Variants in EEF1AKMT2 observed in about 807,000 individuals in gnomAD.
The protein encoded by EEF1AKMT2 is eukaryotic translation elongation factor 1 alpha lysine methyltransferase 2.
In EEF1AKMT2, 32 loss-of-function variants were observed where a neutral mutation model predicts 35.8. That is an observed-to-expected ratio of 0.89 (90% confidence interval 0.67 to 1.20). EEF1AKMT2 has a LOEUF of 1.20. Among genes scored for constraint, EEF1AKMT2 ranks in the 50% most tolerant of loss-of-function variants. The pLI, the probability that EEF1AKMT2 is intolerant of heterozygous loss-of-function variation, is 0.00. For synonymous variants in EEF1AKMT2, 121 were observed against 133.7 expected, an observed-to-expected ratio of 0.91 and a Z score of 0.65; for missense variants, 330 against 347.5, an observed-to-expected ratio of 0.95 and a Z score of 0.40.
rs761775385 is a variant in EEF1AKMT2 at position 124,759,753 on chromosome 10, G to A, written c.*750C>T. 6 of 152,294 alleles carry A rather than the reference G, an allele frequency of 3.9e-5. No individual in the cohort carries two copies. The highest frequency in any genetic ancestry group is 2.1e-4 in the South Asian group (1 of 4,820). The allele number at this position is 152,294 out of a possible 1,614,324, so 9.4% of individuals were successfully genotyped here. ...ACTTAATAAGACAACTTAACATAGC[G>A]CTAGCAAATAATAACATTCCTTAGT... On this transcript the variant is annotated 3_prime_UTR_variant, in exon 7 of 7. Coordinates refer to ENST00000368836, the MANE Select transcript of EEF1AKMT2 (RefSeq NM_212554.4).
Position 124,789,059 on chromosome 10 carries a change from A to T in EEF1AKMT2, c.275T>A (p.Val92Asp). ...AGTACCAACAAGTTCAACCAGGAAA[A>T]CACCATTTCCAGTTCCAATATCAAG... ...SVLDIGTGNG[V>D]FLVELAKFGF... is the part of the protein sequence containing the mutation. The change falls in exon 3 of 7, where the codon GTT becomes GAT. Residue 92 changes from valine to aspartate, a missense_variant. Physicochemically the swap from Val to Asp is radical, Grantham distance 152. Coordinates refer to ENST00000368836, the MANE Select transcript of EEF1AKMT2 (RefSeq NM_212554.4). The T allele has an allele frequency of 6.2e-7, 1 of 1,611,672 alleles. No individual in the cohort carries two copies. The highest frequency in any genetic ancestry group is 8.5e-7 in the Non-Finnish European group (1 of 1,179,028).
chr10:124,777,837 A>C (rs752124264), intron 3 of EEF1AKMT2, among the ~76,000 whole-genome samples: 59 of 152,084 alleles, frequency 3.9e-4, no homozygotes, highest in Non-Finnish European at 6.6e-4. Context: ...CCAGCCCTAA[A>C]GATATCTGTA....
chr10:124,779,556 C>T (rs1324056915), intron 3 of EEF1AKMT2, among the ~76,000 whole-genome samples: 3 of 150,630 alleles, frequency 2.0e-5, no homozygotes, highest in Non-Finnish European at 4.4e-5. Flanking sequence ...ACCATCCTGG[C>T]TAACACAGTG....
chr10:124,776,458 G>A (rs1950487958), intron 3 of EEF1AKMT2, among the ~76,000 whole-genome samples: 1 of 152,136 alleles, frequency 6.6e-6, no homozygotes, highest in South Asian at 2.1e-4. Flanking sequence ...AATGACAAGT[G>A]GGAGAATTCT....
At position 124,774,749 on chromosome 10, in the gene EEF1AKMT2, C is replaced by A; in HGVS notation, c.325G>T (p.Asp109Tyr). 6.7e-7 allele frequency: 1 copy of A among 1,481,600 alleles called. No homozygotes were observed. Among genetic ancestry groups the A allele is most frequent in the South Asian group, 1.5e-5 (1 of 65,686 alleles). 91.8% of individuals were successfully genotyped at this position (1,481,600 alleles called of 1,614,324 possible). Residue 109 changes from aspartate (D) to tyrosine (Y), a missense_variant, in exon 4 of 7, where the codon GAT becomes TAT. Transcript: ENST00000368836. ...AGCTGAATTGCAGAAGGAGAGTAAT[C>A]AATTCCAGTAATATTAGAGAAACCA... ...KFGFSNITGI[D>Y]YSPSAIQLSG... is the part of the protein sequence containing the mutation.
chr10:124,765,315 A>G (rs1364720912), intron 5 of EEF1AKMT2, 77 bp downstream of exon 5: 2 of 1,236,434 alleles, frequency 1.6e-6, no homozygotes, highest in Non-Finnish European at 1.2e-6. Flanking sequence ...ACACTATAAC[A>G]CAAAACGGGG....
chr10:124,757,168 A>T (rs11245349), downstream of EEF1AKMT2, among the ~76,000 whole-genome samples: 1 of 22,990 alleles, frequency 4.3e-5, no homozygotes, highest in Non-Finnish European at 1.1e-4. Context: ...ACTCCCTCCC[A>T]CACACACACA....
intron 3 of EEF1AKMT2, among the ~76,000 whole-genome samples, chr10:124,780,018 A>G (rs1302473273): frequency 6.6e-6 from 1 of 151,922 alleles, no homozygotes; most frequent in Non-Finnish European, 1.5e-5. Context: ...AGCCAAGATC[A>G]CACGCCACTG....
At position 124,781,742 on chromosome 10, in the gene EEF1AKMT2, TAGAC is replaced by T. The variant is rs542466626; in HGVS notation, c.292-6964_292-6961del. ...AAAATAATTTCCAAGAAGAATTTCT[TAGAC>T]AGAAAGAAAAAAAAAAAGCTCAGGA... On this transcript the variant is annotated intron_variant, in intron 3 of 6. Coordinates refer to ENST00000368836, the MANE Select transcript of EEF1AKMT2 (RefSeq NM_212554.4). Among the ~76,000 whole-genome samples, 327 of 150,504 alleles carry T rather than the reference TAGAC, an allele frequency of 2.2e-3. 1 individual carries two copies. Among genetic ancestry groups the T allele is most frequent in the African/African-American group, 7.6e-3 (313 of 41,016 alleles).
intron 3 of EEF1AKMT2, among the ~76,000 whole-genome samples, chr10:124,785,633 C>T (rs1430491923): frequency 6.6e-6 from 1 of 152,136 alleles, no homozygotes; most frequent in East Asian, 1.9e-4. Flanking sequence ...GTGGCTCACG[C>T]TTGTAATCCA....
intron 4 of EEF1AKMT2, among the ~76,000 whole-genome samples, chr10:124,769,248 A>ATATATATATATATATATATGTGTG (rs60863408): frequency 7.8e-5 from 5 of 63,816 alleles, no homozygotes; most frequent in African/African-American, 2.7e-4. Context: ...ATATATATAT[A>ATATATATATATATATATATGTGTG]TGTGTGTATA....
intron 4 of EEF1AKMT2, among the ~76,000 whole-genome samples, chr10:124,774,374 CAAAAAAAAA>C (rs57130146): frequency 6.0e-4 from 13 of 21,710 alleles, no homozygotes; most frequent in South Asian, 3.6e-3. Context: ...GACTCAGTCT[CAAAAAAAAA>C]AAAAAAAAAA....
intron 3 of EEF1AKMT2, chr10:124,783,063 C>A: frequency 6.6e-6 from 2 of 301,176 alleles, no homozygotes; most frequent in Non-Finnish European, 1.3e-5. Flanking sequence ...AGGGGCTGAA[C>A]ATCATGTCCA....
At position 124,763,639 on chromosome 10, in the gene EEF1AKMT2, TTAA is replaced by T. The variant is rs534216840; in HGVS notation, c.617-1084_617-1082del. 6.8e-4 allele frequency among the ~76,000 whole-genome samples: 104 copies of T among 152,342 alleles called. 3 individuals are homozygous for T. In the South Asian group the frequency reaches 0.021, roughly 30 times the overall value. ...TGTTCTAAAATTGAACATAGTTTAC[TTAA>T]TAGTTTTCAGACAAAGACACATTTT... On this transcript the variant is annotated intron_variant, in intron 5 of 6. Transcript: ENST00000368836.
At chr10:124,790,928 C>T (rs1180445687) in intron 1 of EEF1AKMT2, among the ~76,000 whole-genome samples, 3 of 152,152 alleles carry the variant, frequency 2.0e-5, no homozygotes, top group Non-Finnish European at 2.9e-5. Flanking sequence ...CCACACCCCG[C>T]TAATTTTTGT....
intron 6 of EEF1AKMT2, among the ~76,000 whole-genome samples, chr10:124,760,769 A>G (rs1950324078): frequency 6.6e-6 from 1 of 152,052 alleles, no homozygotes; most frequent in South Asian, 2.1e-4. Context: ...TCCACCTCCC[A>G]TTTCCTCCAC....
intron 3 of EEF1AKMT2, among the ~76,000 whole-genome samples, chr10:124,779,125 A>G (rs950080451): frequency 6.6e-6 from 1 of 151,918 alleles, no homozygotes; most frequent in South Asian, 2.1e-4. Context: ...ATCCAGGGTC[A>G]GCAATCTTTT....
Position 124,786,141 on chromosome 10 carries a change from G to C in EEF1AKMT2, c.291+2902C>G, listed in dbSNP as rs1320931389. On this transcript the variant is annotated intron_variant, in intron 3 of 6. Transcript: ENST00000368836. ...CTAGAAATGTCTTATTTTTTGGTCA[G>C]GTTGGTGAATAACACAAGGGGTTCA... Among the ~76,000 whole-genome samples, 9 of 152,138 alleles carry C rather than the reference G, an allele frequency of 5.9e-5. No individual in the cohort carries two copies. The East Asian group carries it at 1.7e-3, about 29-fold the overall frequency.
intron 4 of EEF1AKMT2, among the ~76,000 whole-genome samples, chr10:124,768,877 C>G (rs1420356355): frequency 6.6e-6 from 1 of 151,876 alleles, no homozygotes; most frequent in African/African-American, 2.4e-5. Context: ...AATGGTGGTT[C>G]GGACTTCACA....
Sources: gnomAD v4.1 joint callset for allele counts (sites outside exome capture counted in the v4.1 genomes callset) on GRCh38, gnomAD v4.1.1 for gene constraint, MANE v1.5 for transcripts, NCBI Gene and HGNC (gene_info 2026-07-23, HGNC 2026-07-21) for gene names.